Variants in SLCO5A1 observed in about 807,000 individuals in gnomAD.
SLCO5A1 encodes solute carrier organic anion transporter family member 5A1.
A neutral mutation model predicts 65.1 loss-of-function variants in SLCO5A1; 39 were observed. The ratio of observed to expected loss-of-function variants is 0.60; its 90% CI spans 0.46 to 0.78. The LOEUF (loss-of-function observed/expected upper bound fraction) is 0.78, where lower values mean the gene tolerates loss of function less well. Ranked by LOEUF, SLCO5A1 falls within the 30% of genes least tolerant of loss-of-function variation. SLCO5A1 has a pLI of 0.00. For missense variants in SLCO5A1, 1,029 were observed against 1,069.4 expected (o/e 0.96, Z 0.53); for synonymous variants, 438 against 415.7 (o/e 1.05, Z -0.65).
intron 2 of SLCO5A1, among the ~76,000 whole-genome samples, chr8:69,786,732 A>T (rs1371758835): frequency 6.6e-6 from 1 of 152,350 alleles, no homozygotes; most frequent in African/African-American, 2.4e-5. Flanking sequence ...TTGGTCATCT[A>T]GAATCCCTCA....
chr8:69,831,945 G>T lies in SLCO5A1; in HGVS notation c.729C>A (p.Thr243=). Reference sequence around the variant, plus strand: ...GACAGGCCGGAGGCTCCAAAGTGGCGGTGGAGTTGCCACCCTGACACAGGC... The same window carrying T: ...GACAGGCCGGAGGCTCCAAAGTGGCTGTGGAGTTGCCACCCTGACACAGGC... ...NDGLCQGGNS[T]ATLEPPACPK... Residue 243 remains threonine, a synonymous_variant, in exon 2 of 10, where the codon ACC becomes ACA. Transcript: ENST00000260126. 6.3e-7 allele frequency: 1 copy of T among 1,595,410 alleles called. No individual in the cohort carries two copies. Among genetic ancestry groups the T allele is most frequent in the Non-Finnish European group, 8.5e-7 (1 of 1,172,026 alleles).
intron 5 of SLCO5A1, among the ~76,000 whole-genome samples, chr8:69,707,041 A>G (rs1375468450): frequency 3.9e-5 from 6 of 152,090 alleles, no homozygotes; most frequent in Non-Finnish European, 5.9e-5. Context: ...CCAGCTACTC[A>G]GGAGACTGAG....
intron 2 of SLCO5A1, among the ~76,000 whole-genome samples, chr8:69,801,330 AAGT>A (rs1819726903): frequency 2.6e-5 from 4 of 152,346 alleles, no homozygotes. Context: ...CATCAACTCA[AAGT>A]AGCTTTTACA....
At chr8:69,716,903 C>G (rs946084334) in intron 5 of SLCO5A1, among the ~76,000 whole-genome samples, 1 of 151,998 alleles carries the variant, frequency 6.6e-6, no homozygotes, top group Non-Finnish European at 1.5e-5. Flanking sequence ...CCTCAGCCTC[C>G]CAAATAGCTG....
intron 2 of SLCO5A1, among the ~76,000 whole-genome samples, chr8:69,817,297 T>C (rs1376422475): frequency 6.6e-6 from 1 of 152,232 alleles, no homozygotes; most frequent in Non-Finnish European, 1.5e-5. Flanking sequence ...TCCTCAAGGC[T>C]AATTCATGTT....
intron 7 of SLCO5A1, among the ~76,000 whole-genome samples, chr8:69,681,304 T>C (rs747342255): frequency 3.9e-5 from 6 of 152,144 alleles, no homozygotes; most frequent in Non-Finnish European, 8.8e-5. Flanking sequence ...AATAAGTAAC[T>C]GTGTAGAGGC....
intron 3 of SLCO5A1, among the ~76,000 whole-genome samples, chr8:69,757,235 G>T (rs969862089): frequency 6.6e-6 from 1 of 152,140 alleles, no homozygotes; most frequent in Non-Finnish European, 1.5e-5. Context: ...ATTTTGAGAA[G>T]TTTGTTCGGG....
At chr8:69,697,749 G>A (rs1411586304) in intron 6 of SLCO5A1, among the ~76,000 whole-genome samples, 1 of 151,992 alleles carries the variant, frequency 6.6e-6, no homozygotes, top group Non-Finnish European at 1.5e-5. Flanking sequence ...TGAGAACTAA[G>A]GCTGAAATTA....
At chr8:69,711,799 A>T (rs537419615) in intron 5 of SLCO5A1, among the ~76,000 whole-genome samples, 1 of 152,332 alleles carries the variant, frequency 6.6e-6, no homozygotes, top group South Asian at 2.1e-4. Context: ...ATGAATTAAG[A>T]CCTGTGAAAG....
chr8:69,670,953 C>G lies in SLCO5A1; in HGVS notation c.*1916G>C, dbSNP rs1813312267. On this transcript the variant is annotated 3_prime_UTR_variant, in exon 10 of 10. Coordinates refer to ENST00000260126, the MANE Select transcript of SLCO5A1 (RefSeq NM_030958.3). Reference sequence around the variant, plus strand: ...GCCCCAAAGGAGACACTAGTTCAATCAGCAAGGTTTTCTTAATCAGCAAGA... The same window carrying G: ...GCCCCAAAGGAGACACTAGTTCAATGAGCAAGGTTTTCTTAATCAGCAAGA... The G allele has an allele frequency of 6.6e-6, 1 of 152,278 alleles. No individual in the cohort carries two copies. The highest frequency in any genetic ancestry group is 1.9e-4 in the East Asian group (1 of 5,198). The allele number at this position is 152,278 out of a possible 1,614,324, so 9.4% of individuals were successfully genotyped here. A position where few individuals can be genotyped will look rare whatever the true frequency, so the allele number is the denominator to read the frequency against.
intron 2 of SLCO5A1, among the ~76,000 whole-genome samples, chr8:69,796,927 A>G (rs1475522595): frequency 6.6e-6 from 1 of 152,190 alleles, no homozygotes; most frequent in Admixed American, 6.5e-5. Flanking sequence ...TCTAGTTTCT[A>G]ATAAGTTCCT....
intron 9 of SLCO5A1, among the ~76,000 whole-genome samples, chr8:69,674,893 A>T (rs1311656277): frequency 1.3e-5 from 2 of 149,698 alleles, no homozygotes; most frequent in Non-Finnish European, 3.0e-5. Context: ...TGCAAAAATT[A>T]GCCAGGCATG....
chr8:69,829,869 C>T (rs1821085170), intron 2 of SLCO5A1, among the ~76,000 whole-genome samples: 1 of 152,172 alleles, frequency 6.6e-6, no homozygotes, highest in African/African-American at 2.4e-5. Flanking sequence ...AAGGCTTAGC[C>T]TCCCATCTCC....
intron 2 of SLCO5A1, among the ~76,000 whole-genome samples, chr8:69,816,516 G>C (rs376842766): frequency 6.6e-6 from 1 of 151,996 alleles, no homozygotes; most frequent in African/African-American, 2.4e-5. Flanking sequence ...CAGGAAACAG[G>C]GTGCAAGCAC....
chr8:69,698,100 T>G (rs974814104), intron 6 of SLCO5A1, among the ~76,000 whole-genome samples: 1 of 152,186 alleles, frequency 6.6e-6, no homozygotes, highest in Non-Finnish European at 1.5e-5. Context: ...AGTGGGAACA[T>G]GCGGTATTTG....
intron 2 of SLCO5A1, among the ~76,000 whole-genome samples, chr8:69,777,859 G>T (rs976938127): frequency 2.6e-5 from 4 of 152,148 alleles, no homozygotes; most frequent in African/African-American, 7.2e-5. Context: ...GTCGTTAGAA[G>T]GTCAACTCCA....
At chr8:69,811,472 G>A (rs1475798268) in intron 2 of SLCO5A1, among the ~76,000 whole-genome samples, 1 of 152,172 alleles carries the variant, frequency 6.6e-6, no homozygotes, top group Non-Finnish European at 1.5e-5. Context: ...TATGGGGAAT[G>A]GGGTGGATGC....
intron 2 of SLCO5A1, among the ~76,000 whole-genome samples, chr8:69,796,185 C>G (rs1181819009): frequency 6.6e-6 from 1 of 152,108 alleles, no homozygotes; most frequent in East Asian, 1.9e-4. Flanking sequence ...TAGTATTTGT[C>G]TTACTTTTAA....
At chr8:69,719,270 G>A (rs1176059728) in intron 5 of SLCO5A1, among the ~76,000 whole-genome samples, 1 of 152,174 alleles carries the variant, frequency 6.6e-6, no homozygotes, top group African/African-American at 2.4e-5. Flanking sequence ...GATTTTGTTT[G>A]TTTGTTTCAA....
Sources: gnomAD v4.1 joint callset for allele counts (sites outside exome capture counted in the v4.1 genomes callset) on GRCh38, gnomAD v4.1.1 for gene constraint, MANE v1.5 for transcripts, NCBI Gene and HGNC (gene_info 2026-07-23, HGNC 2026-07-21) for gene names.